Variants in FAM120A observed in about 807,000 individuals in gnomAD.
The protein encoded by FAM120A is family with sequence similarity 120 member A.
FAM120A carries 15 observed loss-of-function variants against 109.7 expected under a neutral mutation model. That is an observed-to-expected ratio of 0.14 (90% confidence interval 0.09 to 0.21). The LOEUF (loss-of-function observed/expected upper bound fraction) is 0.21. FAM120A is among the 10% of genes least tolerant of loss of function. The probability of loss-of-function intolerance (pLI) is 1.00; values close to 1 mark genes in which losing one functional copy is unlikely to be tolerated. For synonymous variants in FAM120A, 493 were observed against 572.8 expected (o/e 0.86, Z 1.99); for missense variants, 899 against 1,439.3 (o/e 0.62, Z 6.07).
intron 12 of FAM120A, among the ~76,000 whole-genome samples, chr9:93,554,120 TACACACACACACACAC>T (rs10672125): frequency 0.046 from 4,043 of 87,456 alleles, 255 homozygotes; most frequent in African/African-American, 0.15. Context: ...GGCCATTTGA[TACACACACACACACAC>T]ACACACACAC....
intron 3 of FAM120A, among the ~76,000 whole-genome samples, chr9:93,479,833 A>G (rs1858719571): frequency 6.6e-6 from 1 of 152,244 alleles, no homozygotes; most frequent in Admixed American, 6.5e-5. Flanking sequence ...AACCAGCTAC[A>G]TCAGTTAGAA....
chr9:93,562,825 C>T lies in FAM120A; in HGVS notation c.3045+521C>T, dbSNP rs541076964. On this transcript the variant is annotated intron_variant, in intron 17 of 17. Transcript: ENST00000277165. Reference sequence around the variant, plus strand: ...GATTACAGGTGTGTGCCACGACACTCGGCTAATTTTTGTAGTTTTAGTAGA... The same window carrying T: ...GATTACAGGTGTGTGCCACGACACTTGGCTAATTTTTGTAGTTTTAGTAGA... 1.9e-4 allele frequency among the ~76,000 whole-genome samples: 29 copies of T among 152,084 alleles called. 2 individuals are homozygous for T. In the South Asian group the frequency reaches 2.7e-3, roughly 14 times the overall value.
At chr9:93,454,199 A>C (rs766809237) in intron 1 of FAM120A, among the ~76,000 whole-genome samples, 70 of 152,270 alleles carry the variant, frequency 4.6e-4, no homozygotes, top group Non-Finnish European at 8.4e-4. Context: ...TAATGGGATA[A>C]TTTTGTCTGT....
chr9:93,496,276 T>A (rs1007856707), intron 3 of FAM120A, among the ~76,000 whole-genome samples: 13 of 152,392 alleles, frequency 8.5e-5, no homozygotes, highest in Non-Finnish European at 1.5e-4. Flanking sequence ...ATGGTCTTAA[T>A]GGCATTCACT....
intron 7 of FAM120A, among the ~76,000 whole-genome samples, chr9:93,525,994 G>A (rs1292227362): frequency 6.6e-6 from 1 of 152,178 alleles, no homozygotes; most frequent in Non-Finnish European, 1.5e-5. Flanking sequence ...TAATGAAGTT[G>A]ATTGGAAGAT....
At chr9:93,465,831 T>A (rs1259962421) in intron 1 of FAM120A, among the ~76,000 whole-genome samples, 1 of 152,214 alleles carries the variant, frequency 6.6e-6, no homozygotes, top group East Asian at 1.9e-4. Flanking sequence ...GTGTCCTCCA[T>A]CCCCTGTCTT....
chr9:93,553,489 G>C (rs893593147), intron 12 of FAM120A, among the ~76,000 whole-genome samples: 3 of 152,210 alleles, frequency 2.0e-5, no homozygotes, highest in Admixed American at 6.5e-5. Flanking sequence ...CCAGTAATCA[G>C]ATGTTGGACA....
Position 93,532,058 on chromosome 9 carries a change from T to C in FAM120A, c.1735-97T>C, listed in dbSNP as rs1861350635. On this transcript the variant is annotated intron_variant, in intron 9 of 17. Coordinates refer to ENST00000277165, the MANE Select transcript of FAM120A (RefSeq NM_014612.5). This position sits in a 1 kb window ranked among gnomAD's most constrained non-coding sequence, Gnocchi z 4.3. ...CAGTTGATTTGGAATGGAATTGCAA[T>C]GTCATTAACTGGAGATAATACAGTA... The C allele has an allele frequency of 8.8e-7, 1 of 1,135,596 alleles. No homozygotes were observed. The highest frequency in any genetic ancestry group is 1.5e-5 in the African/African-American group (1 of 64,660). 70.3% of individuals were successfully genotyped at this position (1,135,596 alleles called of 1,614,324 possible).
At chr9:93,538,903 A>G (rs1338747586) in intron 10 of FAM120A, among the ~76,000 whole-genome samples, 2 of 152,120 alleles carry the variant, frequency 1.3e-5, no homozygotes, top group South Asian at 2.1e-4. Flanking sequence ...CTTAAGTACG[A>G]TAGTATTTTA....
At chr9:93,553,756 G>A (rs75435154) in intron 12 of FAM120A, among the ~76,000 whole-genome samples, 2,165 of 152,174 alleles carry the variant, frequency 0.014, 56 homozygotes, top group African/African-American at 0.048. Context: ...TCTGTGACCC[G>A]TCTGTACAAG....
At position 93,561,962 on chromosome 9, in the gene FAM120A, A is replaced by G. The variant is rs114153574; in HGVS notation, c.2949-246A>G. Among the ~76,000 whole-genome samples, 1,046 of 152,280 alleles carry G rather than the reference A, an allele frequency of 6.9e-3. 14 individuals are homozygous for G. Among genetic ancestry groups the G allele is most frequent in the African/African-American group, 0.024 (1,000 of 41,548 alleles). On this transcript the variant is annotated intron_variant, in intron 16 of 17. Transcript: ENST00000277165. Reference sequence around the variant, plus strand: ...TTCCTTGGAATAAATCTTCCCTATGATCATACTTAACCTGTTTACGCCTAG... The same window carrying G: ...TTCCTTGGAATAAATCTTCCCTATGGTCATACTTAACCTGTTTACGCCTAG...
chr9:93,487,372 G>T (rs1294310095), intron 3 of FAM120A, among the ~76,000 whole-genome samples: 1 of 152,120 alleles, frequency 6.6e-6, no homozygotes, highest in Admixed American at 6.6e-5. Flanking sequence ...ATGTTGGCCA[G>T]GCTGGTCTTG....
chr9:93,458,477 C>T (rs551666475), intron 1 of FAM120A, among the ~76,000 whole-genome samples: 2 of 152,242 alleles, frequency 1.3e-5, no homozygotes, highest in South Asian at 2.1e-4. Flanking sequence ...AGAATAATGA[C>T]ACACCAGGCC....
chr9:93,489,465 G>A (rs570060681), intron 3 of FAM120A, among the ~76,000 whole-genome samples: 15 of 152,314 alleles, frequency 9.8e-5, no homozygotes, highest in African/African-American at 3.1e-4. Flanking sequence ...GTCACTGCAC[G>A]ATGGAGCCCA....
chr9:93,455,807 C>T (rs887546812), intron 1 of FAM120A, among the ~76,000 whole-genome samples: 4 of 152,014 alleles, frequency 2.6e-5, no homozygotes, highest in South Asian at 2.1e-4. Flanking sequence ...GGATTATAGG[C>T]GCCTGCCATC....
In FAM120A at chr9:93,529,752, T is replaced by C. The variant is rs992985083; in HGVS notation, c.1734+172T>C. Reference sequence around the variant, plus strand: ...TGAATGAAAGATGAACATTTATAACTGTAAATAGTTTTAAAATAACTCGTG... The same window carrying C: ...TGAATGAAAGATGAACATTTATAACCGTAAATAGTTTTAAAATAACTCGTG... On this transcript the variant is annotated intron_variant, in intron 9 of 17. Transcript: ENST00000277165. 11 of 659,592 alleles carry C rather than the reference T, an allele frequency of 1.7e-5. No individual in the cohort carries two copies. The African/African-American group carries it at 1.8e-4, about 11-fold the overall frequency. The allele number at this position is 659,592 out of a possible 1,614,324, so 40.9% of individuals were successfully genotyped here. A position where few individuals can be genotyped will look rare whatever the true frequency, so the allele number is the denominator to read the frequency against.
intron 1 of FAM120A, among the ~76,000 whole-genome samples, 160 bp from the exon 2 acceptor site, chr9:93,470,981 T>A (rs371622079): frequency 6.6e-6 from 1 of 152,226 alleles, no homozygotes; most frequent in Non-Finnish European, 1.5e-5. Flanking sequence ...AGTGGAGCAA[T>A]GTGTTGCAAA....
chr9:93,462,241 AC>A (rs1857825264), intron 1 of FAM120A, among the ~76,000 whole-genome samples: 1 of 152,232 alleles, frequency 6.6e-6, no homozygotes, highest in African/African-American at 2.4e-5. Flanking sequence ...CATAAAATTT[AC>A]CAATTTAACC....
At chr9:93,522,947 C>T (rs985531102) in intron 7 of FAM120A, among the ~76,000 whole-genome samples, 4 of 152,152 alleles carry the variant, frequency 2.6e-5, no homozygotes, top group Non-Finnish European at 4.4e-5. Flanking sequence ...TGGCAGGAAC[C>T]GGTTTGCTCA....
Sources: gnomAD v4.1 joint callset for allele counts (sites outside exome capture counted in the v4.1 genomes callset) on GRCh38, gnomAD v4.1.1 for gene constraint, Gnocchi (gnomAD v3.1) non-coding constraint, MANE v1.5 for transcripts, NCBI Gene and HGNC (gene_info 2026-07-23, HGNC 2026-07-21) for gene names.